GTPBP4: variants seen among roughly 807,000 people sequenced by gnomAD.
The protein encoded by GTPBP4 is GTP-binding protein 4.
GTPBP4 carries 15 observed loss-of-function variants against 81.7 expected under a neutral mutation model. The ratio of observed to expected loss-of-function variants is 0.18; its 90% CI spans 0.12 to 0.28. GTPBP4 has a LOEUF of 0.28. Among genes scored for constraint, GTPBP4 ranks in the 10% least tolerant of loss-of-function variants. The pLI is 1.00. For missense variants in GTPBP4, 847 were observed against 793.8 expected (o/e 1.07, Z -0.81); for synonymous variants, 272 against 274.6 (o/e 0.99, Z 0.09).
chr10:995,428 A>G (rs1831521214), intron 2 of GTPBP4, among the ~76,000 whole-genome samples: 1 of 152,110 alleles, frequency 6.6e-6, no homozygotes, highest in Non-Finnish European at 1.5e-5. Context: ...GTTTAGATGG[A>G]GTGGTGGACA....
In GTPBP4 at chr10:1,014,126, A is replaced by G. The variant is rs1449104353; in HGVS notation, c.1543-121A>G. 6.7e-6 allele frequency: 4 copies of G among 592,982 alleles called. No homozygotes were observed. In the African/African-American group the frequency reaches 7.6e-5, roughly 11 times the overall value. The allele number at this position is 592,982 out of a possible 1,614,324, so 36.7% of individuals were successfully genotyped here. ...AAAGCGGGGCCCAATAAAAATTACA[A>G]CTTCTAAAATAAGTATATTATAATT... On this transcript the variant is annotated intron_variant, in intron 14 of 16. Coordinates refer to ENST00000360803, the MANE Select transcript of GTPBP4 (RefSeq NM_012341.3).
At chr10:1,009,083 C>A in intron 11 of GTPBP4, 48 bp downstream of exon 11, 1 of 1,374,276 alleles carries the variant, frequency 7.3e-7, no homozygotes, top group Non-Finnish European at 1.0e-6. Context: ...GGGAGGCAGG[C>A]TGTGTGTGCC....
intron 8 of GTPBP4, among the ~76,000 whole-genome samples, chr10:1,004,019 A>AGGCTGT (rs950346006): frequency 6.6e-6 from 1 of 152,164 alleles, no homozygotes; most frequent in African/African-American, 2.4e-5. Flanking sequence ...CCACAGGGCA[A>AGGCTGT]GGCTGTGGCT....
At chr10:1,010,651 C>T (rs1831836813) in intron 13 of GTPBP4, 131 bp downstream of exon 13, 2 of 693,766 alleles carry the variant, frequency 2.9e-6, no homozygotes, top group Admixed American at 4.7e-5. Flanking sequence ...CTGACTCTGC[C>T]CCCTGTACCA....
chr10:989,653 A>G (rs1029169070), intron 1 of GTPBP4, among the ~76,000 whole-genome samples: 8 of 152,254 alleles, frequency 5.3e-5, no homozygotes, highest in Admixed American at 4.6e-4. Flanking sequence ...TTTTACCTTC[A>G]TAGCAAAAGT....
chr10:993,134 T>C (rs1831476096), intron 2 of GTPBP4, among the ~76,000 whole-genome samples: 1 of 152,206 alleles, frequency 6.6e-6, no homozygotes, highest in African/African-American at 2.4e-5. Flanking sequence ...TGACAGTCAG[T>C]TCAGCACTGA....
intron 2 of GTPBP4, among the ~76,000 whole-genome samples, chr10:994,437 T>C (rs1252677042): frequency 6.6e-6 from 1 of 151,416 alleles, no homozygotes; most frequent in Non-Finnish European, 1.5e-5. Flanking sequence ...CCCGGCTAAT[T>C]TTTGTGTTTT....
rs545627459 is a variant in GTPBP4, at chr10:1,000,706, C to A, written c.684C>A (p.His228Gln). 3.2e-6 allele frequency: 5 copies of A among 1,554,120 alleles called. No individual in the cohort carries two copies. The highest frequency in any genetic ancestry group is 4.5e-5 in the East Asian group (2 of 44,360). ...TAGACACTCCTGGGATCCTGGACCA[C>A]CCTCTGGAGGATAGGAACACCATCG... ...QVVDTPGILD[H>Q]PLEDRNTIEM... The change falls in exon 7 of 17, where the codon CAC becomes CAA. Residue 228 changes from histidine to glutamine, a missense_variant. Coordinates refer to ENST00000360803, the MANE Select transcript of GTPBP4 (RefSeq NM_012341.3).
In GTPBP4 at chr10:996,178, G is replaced by A. The variant is rs139148950; in HGVS notation, c.396G>A (p.Ala132=). Reference sequence around the variant, plus strand: ...ACCGCTGCAAACAGCTGAAGCGTGCGGCCCTGGGACGGATGTGCACAGTGA... The same window carrying A: ...ACCGCTGCAAACAGCTGAAGCGTGCAGCCCTGGGACGGATGTGCACAGTGA... ...SLYRCKQLKR[A]ALGRMCTVIK... The change falls in exon 4 of 17, where the codon GCG becomes GCA. Residue 132 remains alanine, a synonymous_variant. Coordinates refer to ENST00000360803, the MANE Select transcript of GTPBP4 (RefSeq NM_012341.3). 1.1e-4 allele frequency: 178 copies of A among 1,613,894 alleles called. No individual in the cohort carries two copies. The African/African-American group carries it at 1.2e-3, about 11-fold the overall frequency.
intron 2 of GTPBP4, among the ~76,000 whole-genome samples, chr10:994,833 A>C (rs1831510571): frequency 6.6e-6 from 1 of 152,230 alleles, no homozygotes; most frequent in South Asian, 2.1e-4. Context: ...CTGAATGCTT[A>C]TTGTCTGTCA....
At chr10:992,410 A>G in intron 1 of GTPBP4, 79 bp from the exon 2 acceptor site, 1 of 945,160 alleles carries the variant, frequency 1.1e-6, no homozygotes, top group Non-Finnish European at 1.6e-6. Flanking sequence ...AAAAAAAAAA[A>G]AAAAAAGGAA....
Position 988,462 on chromosome 10 carries a change from G to A in GTPBP4, c.-18G>A. 6.2e-7 allele frequency: 1 copy of A among 1,611,346 alleles called. No homozygotes were observed. The highest frequency in any genetic ancestry group is 1.3e-5 in the African/African-American group (1 of 75,038). The stretch of plus-strand genomic sequence containing the variant: ...AGTTCCGGGAGTGCCAAGTACCCGC[G>A]TGCATACGGCTGCCGGCATGGCACA... On this transcript the variant is annotated 5_prime_UTR_variant, in exon 1 of 17. In the 5' UTR this introduces an upstream ATG that the reference lacks. Coordinates refer to ENST00000360803, the MANE Select transcript of GTPBP4 (RefSeq NM_012341.3).
At position 1,000,708 on chromosome 10, in the gene GTPBP4, C is replaced by T; in HGVS notation, c.686C>T (p.Pro229Leu). The stretch of plus-strand genomic sequence containing the variant: ...GACACTCCTGGGATCCTGGACCACC[C>T]TCTGGAGGATAGGAACACCATCGAG... ...VVDTPGILDH[P>L]LEDRNTIEMQ... is the part of the protein sequence containing the mutation. Residue 229 changes from proline to leucine, a missense_variant, in exon 7 of 17, where the codon CCT (proline) becomes CTT (leucine). By Grantham distance (98) the Pro-to-Leu change is moderately conservative. Around this residue, in one of 3 missense-constraint regions of GTPBP4, gnomAD observed 600 missense variants for 557.1 expected, o/e 1.08. Transcript: ENST00000360803. 1 of 1,557,470 alleles carries T rather than the reference C, an allele frequency of 6.4e-7. No homozygotes were observed. Among genetic ancestry groups the T allele is most frequent in the African/African-American group, 1.4e-5 (1 of 73,378 alleles).
At chr10:1,004,042 G>T (rs112770835) in intron 8 of GTPBP4, among the ~76,000 whole-genome samples, 1 of 152,150 alleles carries the variant, frequency 6.6e-6, no homozygotes, top group African/African-American at 2.4e-5. Context: ...GGCTCCACCC[G>T]TGGGGTCAGG....
intron 8 of GTPBP4, 105 bp downstream of exon 8, chr10:1,001,118 A>G: frequency 4.2e-6 from 3 of 722,446 alleles, no homozygotes; most frequent in East Asian, 2.6e-5. Flanking sequence ...CTAGTCCACA[A>G]TTGTATTTTA....
intron 11 of GTPBP4, 81 bp downstream of exon 11, chr10:1,009,116 G>C: frequency 9.7e-7 from 1 of 1,029,598 alleles, no homozygotes; most frequent in Non-Finnish European, 1.5e-6. Context: ...CTGGGGCATC[G>C]AACAGGAGCC....
intron 10 of GTPBP4, 63 bp downstream of exon 10, chr10:1,007,191 C>T: frequency 1.1e-6 from 1 of 900,668 alleles, no homozygotes; most frequent in Non-Finnish European, 1.8e-6. Flanking sequence ...GTCTGCGTGC[C>T]TTTTCCAGAA....
intron 15 of GTPBP4, among the ~76,000 whole-genome samples, chr10:1,014,527 C>T (rs545989745): frequency 6.6e-6 from 1 of 152,152 alleles, no homozygotes; most frequent in Admixed American, 6.5e-5. Context: ...GGCGTGGTGG[C>T]GTGTGCCTGT....
At chr10:1,014,052 C>T (rs1831928960) in intron 14 of GTPBP4, among the ~76,000 whole-genome samples, 195 bp from the exon 15 acceptor site, 1 of 152,190 alleles carries the variant, frequency 6.6e-6, no homozygotes, top group Admixed American at 6.5e-5. Flanking sequence ...AGCAACTGCT[C>T]TGTTAATGTT....
Sources: gnomAD v4.1 joint callset for allele counts (sites outside exome capture counted in the v4.1 genomes callset) on GRCh38, gnomAD v4.1.1 for gene constraint, gnomAD v4.1.1 regional missense constraint, MANE v1.5 for transcripts, NCBI Gene and HGNC (gene_info 2026-07-23, HGNC 2026-07-21) for gene names.